NBAS: variants seen among roughly 807,000 people sequenced by gnomAD.
NBAS encodes NAG/BC035112 fusion.
A neutral mutation model predicts 302.5 loss-of-function variants in NBAS; 219 were observed. The observed-to-expected ratio is 0.72, with a 90% CI of 0.65 to 0.81. The LOEUF is 0.81. Among genes scored for constraint, NBAS ranks in the 30% least tolerant of loss-of-function variants. The pLI, the probability that NBAS is intolerant of heterozygous loss-of-function variation, is 0.00. For missense variants in NBAS, 2,932 were observed against 2,841.6 expected (o/e 1.03, Z -0.72); for synonymous variants, 1,118 against 1,021.6 (o/e 1.09, Z -1.80).
chr2:15,322,461 T>C (rs576876829), intron 38 of NBAS, among the ~76,000 whole-genome samples: 129 of 152,254 alleles, frequency 8.5e-4, no homozygotes, highest in African/African-American at 2.9e-3. Context: ...GCGCTAATTC[T>C]GTGCAAAGTA....
At chr2:15,180,636 C>A (rs138015658) in intron 50 of NBAS, among the ~76,000 whole-genome samples, 1 of 152,184 alleles carries the variant, frequency 6.6e-6, no homozygotes, top group African/African-American at 2.4e-5. Flanking sequence ...AAGTGATGTG[C>A]GGGGCCCCTT....
At chr2:14,981,064 GA>G in the NBAS span, among the ~76,000 whole-genome samples, 20,578 of 147,706 alleles carry the variant, frequency 0.14, 1,620 homozygotes, top group Middle Eastern at 0.22. Flanking sequence ...AAAATGAGAG[GA>G]AAAAAAAACA....
the NBAS span, among the ~76,000 whole-genome samples, chr2:15,088,210 G>A: frequency 2.0e-5 from 3 of 152,282 alleles, no homozygotes; most frequent in South Asian, 6.2e-4. Flanking sequence ...GCAAAAGGTA[G>A]TCATGCTGGT....
chr2:15,031,081 T>A, the NBAS span, among the ~76,000 whole-genome samples: 45 of 152,338 alleles, frequency 3.0e-4, no homozygotes, highest in African/African-American at 1.1e-3. Context: ...AGAGAAAGTA[T>A]AATCTCTAAG....
chr2:15,378,935 T>C (rs2148371255), intron 30 of NBAS, among the ~76,000 whole-genome samples: 1 of 152,360 alleles, frequency 6.6e-6, no homozygotes, highest in East Asian at 1.9e-4. Context: ...TTTATTATGC[T>C]CTTTTAATTT....
chr2:15,127,522 A>G, the NBAS span, among the ~76,000 whole-genome samples: 7 of 152,008 alleles, frequency 4.6e-5, no homozygotes, highest in African/African-American at 1.7e-4. Context: ...GAGGCCTGGC[A>G]AGGAAACAGA....
At chr2:15,394,376 T>C (rs370773012) in intron 27 of NBAS, 27 bp from the exon 28 acceptor site, 4 of 1,610,438 alleles carry the variant, frequency 2.5e-6, no homozygotes, top group Middle Eastern at 1.6e-4. Context: ...AATTATTTAA[T>C]GTCTTGCTAC....
chr2:15,261,419 CA>C (rs936109775), intron 44 of NBAS, among the ~76,000 whole-genome samples: 32 of 152,244 alleles, frequency 2.1e-4, no homozygotes, highest in African/African-American at 6.7e-4. Context: ...TATTCAAACA[CA>C]AAAATAATCA....
intron 21 of NBAS, among the ~76,000 whole-genome samples, chr2:15,440,816 C>A (rs1678349768): frequency 6.6e-6 from 1 of 151,866 alleles, no homozygotes; most frequent in South Asian, 2.1e-4. Context: ...CTTAAAGGAG[C>A]TGATGGAGCT....
At chr2:15,365,011 G>A (rs555030597) in intron 32 of NBAS, among the ~76,000 whole-genome samples, 3 of 152,174 alleles carry the variant, frequency 2.0e-5, no homozygotes, top group South Asian at 4.2e-4. Flanking sequence ...AAATTAGCAC[G>A]GCCTTTCTTC....
chr2:15,383,073 C>A, intron 29 of NBAS, 142 bp downstream of exon 29: 1 of 687,874 alleles, frequency 1.5e-6, no homozygotes, highest in South Asian at 2.0e-5. Context: ...AGTGCTCAAC[C>A]TATAAAGCAC....
chr2:15,275,515 G>A lies in NBAS; in HGVS notation c.5693C>T (p.Ala1898Val), dbSNP rs753584645. 3 of 1,614,120 alleles carry A rather than the reference G, an allele frequency of 1.9e-6. No homozygotes were observed. The highest frequency in any genetic ancestry group is 1.3e-5 in the African/African-American group (1 of 75,052). Residue 1898 changes from alanine to valine, a missense_variant, in exon 44 of 52, where the codon GCA becomes GTA. Transcript: ENST00000281513. ...HPGDLITVVD[A>V]VTFSPKAVTK... ...CACAGCTTTTGGAGAAAATGTAACTGCATCTACCACAGTGATGAGGTCACC... is the reference window on the plus strand; with the variant it reads ...CACAGCTTTTGGAGAAAATGTAACTACATCTACCACAGTGATGAGGTCACC...
At chr2:15,139,982 T>C in the NBAS span, among the ~76,000 whole-genome samples, 5 of 152,154 alleles carry the variant, frequency 3.3e-5, no homozygotes, top group Non-Finnish European at 7.4e-5. Context: ...TCCCCATAAA[T>C]GTGGGTAGGT....
At chr2:14,895,643 G>A in the NBAS span, among the ~76,000 whole-genome samples, 1 of 152,114 alleles carries the variant, frequency 6.6e-6, no homozygotes, top group African/African-American at 2.4e-5. Context: ...GGGAGGCTGA[G>A]GCAGGAGAAT....
At chr2:14,944,353 A>C in the NBAS span, among the ~76,000 whole-genome samples, 1 of 151,854 alleles carries the variant, frequency 6.6e-6, no homozygotes, top group African/African-American at 2.4e-5. Flanking sequence ...AATCCCTGCT[A>C]TGAATCCTGC....
At chr2:15,439,305 T>TAAAAAAA (rs74898089) in intron 21 of NBAS, among the ~76,000 whole-genome samples, 1 of 74,392 alleles carries the variant, frequency 1.3e-5, no homozygotes, top group East Asian at 3.7e-4. Context: ...CGGTCTCAAA[T>TAAAAAAA]AAAAAAAAAA....
chr2:14,866,914 T>C, the NBAS span, among the ~76,000 whole-genome samples: 1 of 152,192 alleles, frequency 6.6e-6, no homozygotes, highest in African/African-American at 2.4e-5. Flanking sequence ...TGAAATCTAA[T>C]GCTAAGAGAC....
At chr2:15,170,123 C>G (rs976211382) in intron 51 of NBAS, among the ~76,000 whole-genome samples, 1 of 152,210 alleles carries the variant, frequency 6.6e-6, no homozygotes, top group Non-Finnish European at 1.5e-5. Context: ...TAACCCTCCC[C>G]TCTGGGAGCC....
intron 42 of NBAS, among the ~76,000 whole-genome samples, chr2:15,282,478 G>A (rs1188283861): frequency 6.6e-6 from 1 of 152,070 alleles, no homozygotes; most frequent in Non-Finnish European, 1.5e-5. Flanking sequence ...TCTTGCATCT[G>A]GGACCAAAAT....
Sources: allele counts gnomAD v4.1 joint callset (sites outside exome capture counted in the v4.1 genomes callset), GRCh38; gene constraint gnomAD v4.1.1; transcripts MANE v1.5; gene names NCBI Gene and HGNC (gene_info 2026-07-23, HGNC 2026-07-21).